TNKS: variants seen among roughly 807,000 people sequenced by gnomAD.
The protein encoded by TNKS is poly [ADP-ribose] polymerase tankyrase-1.
A neutral mutation model predicts 135.8 loss-of-function variants in TNKS; 72 were observed. That is an observed-to-expected ratio of 0.53 (90% CI 0.44 to 0.64). TNKS has a LOEUF of 0.64. TNKS is among the 30% of genes least tolerant of loss of function. The pLI is 0.00. For missense variants in TNKS, 1,769 were observed against 1,674.0 expected (o/e 1.06, Z -0.99); for synonymous variants, 849 against 649.3 (o/e 1.31, Z -4.68).
intron 3 of TNKS, among the ~76,000 whole-genome samples, chr8:9,641,742 G>A (rs13260052): frequency 0.96 from 137,781 of 144,016 alleles, 66,735 homozygotes; most frequent in East Asian, 1. Context: ...ACCACCTGAT[G>A]GCCAGTTATG....
intron 3 of TNKS, among the ~76,000 whole-genome samples, chr8:9,634,101 ATG>A (rs1380094838): frequency 1.5e-4 from 20 of 134,364 alleles, no homozygotes; most frequent in African/African-American, 4.3e-4. Flanking sequence ...ATATATATAT[ATG>A]TATATATATT....
intron 26 of TNKS, among the ~76,000 whole-genome samples, chr8:9,771,680 A>AGG (rs1807881122): frequency 1.8e-5 from 2 of 108,550 alleles, no homozygotes; most frequent in African/African-American, 7.8e-5. Flanking sequence ...GAAGGGAGGG[A>AGG]GAGAGAGAGA....
chr8:9,717,101 A>ATATATATTTTTTTTTTTT (rs1454492300), intron 11 of TNKS, among the ~76,000 whole-genome samples: 1 of 119,336 alleles, frequency 8.4e-6, no homozygotes, highest in African/African-American at 2.9e-5. Flanking sequence ...ATATATATAT[A>ATATATATTTTTTTTTTTT]TTTTCAGGGA....
chr8:9,763,251 T>C lies in TNKS; in HGVS notation c.3372+7T>C. ...TCAGTCAGTGGAAGAAGAGGTAATATACATCAGAAATCTTTCATTTGCTTT... is the reference window on the plus strand; with the variant it reads ...TCAGTCAGTGGAAGAAGAGGTAATACACATCAGAAATCTTTCATTTGCTTT... On this transcript the variant is annotated splice_region_variant and intron_variant, in intron 22 of 26. Coordinates refer to ENST00000310430, the MANE Select transcript of TNKS (RefSeq NM_003747.3). 1.3e-6 allele frequency: 2 copies of C among 1,550,138 alleles called. No individual in the cohort carries two copies. The highest frequency in any genetic ancestry group is 1.8e-6 in the Non-Finnish European group (2 of 1,134,080).
intron 20 of TNKS, among the ~76,000 whole-genome samples, chr8:9,759,992 CAAAA>C (rs529191810): frequency 8.9e-6 from 1 of 112,450 alleles, no homozygotes; most frequent in Admixed American, 8.6e-5. Flanking sequence ...GAAAACAAAA[CAAAA>C]AAAAAAAAAG....
intron 8 of TNKS, 75 bp from the exon 9 acceptor site, chr8:9,708,296 C>A (rs377733360): frequency 1.6e-6 from 2 of 1,233,934 alleles, no homozygotes; most frequent in Admixed American, 2.6e-5. Flanking sequence ...AATATTCCTA[C>A]TTATTTATAA....
chr8:9,733,185 C>T (rs1444034744), intron 14 of TNKS, 94 bp from the exon 15 acceptor site: 14 of 1,197,198 alleles, frequency 1.2e-5, no homozygotes, highest in South Asian at 6.6e-5. Flanking sequence ...TCAGTATAGT[C>T]AGTACCATAG....
intron 3 of TNKS, among the ~76,000 whole-genome samples, chr8:9,672,583 T>G (rs1011767604): frequency 6.6e-6 from 1 of 150,896 alleles, no homozygotes; most frequent in African/African-American, 2.4e-5. Context: ...ATTGCCAAGT[T>G]GTTTTGGATC....
At chr8:9,578,705 G>C (rs2129053054) in intron 1 of TNKS, among the ~76,000 whole-genome samples, 1 of 152,196 alleles carries the variant, frequency 6.6e-6, no homozygotes, top group Admixed American at 6.5e-5. Context: ...AATAAAGGAA[G>C]ATGTGACTCT....
chr8:9,600,271 T>C (rs1339297576), intron 2 of TNKS, among the ~76,000 whole-genome samples: 3 of 152,198 alleles, frequency 2.0e-5, no homozygotes, highest in African/African-American at 7.2e-5. Flanking sequence ...TGGCAGACTT[T>C]GTAGTGAACT....
At chr8:9,728,604 C>G (rs1805268460) in intron 13 of TNKS, among the ~76,000 whole-genome samples, 1 of 152,196 alleles carries the variant, frequency 6.6e-6, no homozygotes, top group Non-Finnish European at 1.5e-5. Flanking sequence ...TCATGTCAGA[C>G]TCCTTAGAGG....
At chr8:9,740,548 C>A (rs1427627886) in intron 17 of TNKS, among the ~76,000 whole-genome samples, 1 of 152,054 alleles carries the variant, frequency 6.6e-6, no homozygotes, top group Non-Finnish European at 1.5e-5. Flanking sequence ...AAGCAACAAT[C>A]CGGTTTTTTG....
chr8:9,576,651 C>T (rs1797959332), intron 1 of TNKS, among the ~76,000 whole-genome samples: 1 of 151,908 alleles, frequency 6.6e-6, no homozygotes, highest in African/African-American at 2.4e-5. Context: ...TATTAGAAAC[C>T]ACCCCTGTGA....
intron 11 of TNKS, 121 bp downstream of exon 11, chr8:9,710,341 T>G (rs1334255292): frequency 2.3e-6 from 2 of 858,994 alleles, no homozygotes; most frequent in Non-Finnish European, 1.9e-6. Context: ...TATTAGTTCG[T>G]ACTTAAATTC....
chr8:9,649,620 C>T, intron 3 of TNKS, among the ~76,000 whole-genome samples: 1 of 150,200 alleles, frequency 6.7e-6, no homozygotes, highest in Non-Finnish European at 1.5e-5. Context: ...TATCCCTCAT[C>T]CCCCTCTCAC....
intron 17 of TNKS, among the ~76,000 whole-genome samples, chr8:9,735,895 T>C (rs927012651): frequency 1.4e-4 from 22 of 152,068 alleles, no homozygotes; most frequent in African/African-American, 5.3e-4. Context: ...TAAGTAGATA[T>C]CTAACTAATA....
intron 2 of TNKS, among the ~76,000 whole-genome samples, chr8:9,613,473 C>T (rs1799534756): frequency 1.3e-5 from 2 of 152,166 alleles, no homozygotes; most frequent in South Asian, 4.1e-4. Flanking sequence ...AAAGTCTTAA[C>T]TTTACTGAGT....
intron 2 of TNKS, among the ~76,000 whole-genome samples, chr8:9,587,322 A>G (rs1458157429): frequency 6.6e-6 from 1 of 152,190 alleles, no homozygotes; most frequent in Non-Finnish European, 1.5e-5. Flanking sequence ...GGGTAGCCCC[A>G]AGAAGATGGA....
intron 3 of TNKS, among the ~76,000 whole-genome samples, chr8:9,616,072 T>C (rs1335223345): frequency 6.6e-6 from 1 of 152,216 alleles, no homozygotes; most frequent in Non-Finnish European, 1.5e-5. Flanking sequence ...GCTGCCTTAT[T>C]TCTTGGATCG....
Sources: gnomAD v4.1 joint callset for allele counts (sites outside exome capture counted in the v4.1 genomes callset) on GRCh38, gnomAD v4.1.1 for gene constraint, MANE v1.5 for transcripts, NCBI Gene and HGNC (gene_info 2026-07-23, HGNC 2026-07-21) for gene names.